The following MSL2 variants were observed in gnomAD, a reference collection of about 807,000 sequenced individuals.
The protein encoded by MSL2 is E3 ubiquitin-protein ligase MSL2.
MSL2 carries 2 observed loss-of-function variants against 35.8 expected under a neutral mutation model. The observed-to-expected ratio is 0.06, with a 90% CI of 0.02 to 0.18. The LOEUF is 0.18. MSL2 is among the 10% of genes least tolerant of loss of function. MSL2 has a pLI of 1.00. For missense variants in MSL2, 523 were observed against 706.7 expected (o/e 0.74, Z 2.95); for synonymous variants, 296 against 255.7 (o/e 1.16, Z -1.50).
At chr3:136,194,138 G>A (rs578174594) in intron 1 of MSL2, among the ~76,000 whole-genome samples, 24 of 152,266 alleles carry the variant, frequency 1.6e-4, no homozygotes, top group Non-Finnish European at 3.2e-4. Context: ...TTTGGCAGTT[G>A]CCCTTTCTTT....
intron 1 of MSL2, among the ~76,000 whole-genome samples, chr3:136,156,616 G>C (rs1284690545): frequency 6.6e-6 from 1 of 152,036 alleles, no homozygotes; most frequent in African/African-American, 2.4e-5. Flanking sequence ...CTGTAATCCA[G>C]CACCTTGGGA....
At chr3:136,155,930 C>A in intron 1 of MSL2, 1 of 537,476 alleles carries the variant, frequency 1.9e-6, no homozygotes, top group Admixed American at 2.0e-5. Flanking sequence ...TTCCAATACT[C>A]CAGAACTACT....
chr3:136,153,841 G>C lies in MSL2; in HGVS notation c.143-1103C>G, dbSNP rs376360390. On this transcript the variant is annotated intron_variant, in intron 1 of 1. Transcript: ENST00000309993. ...CTCATGCCTGTAACCCCAGCACTTTGGGGGGCTGAGGTGGGCAGATCACCT... is the reference window on the plus strand; with the variant it reads ...CTCATGCCTGTAACCCCAGCACTTTCGGGGGCTGAGGTGGGCAGATCACCT... 3.5e-4 allele frequency among the ~76,000 whole-genome samples: 53 copies of C among 151,852 alleles called. No individual in the cohort carries two copies. In the East Asian group the frequency reaches 0.01, roughly 29 times the overall value.
intron 1 of MSL2, among the ~76,000 whole-genome samples, chr3:136,158,084 G>A (rs762715041): frequency 6.6e-6 from 1 of 152,134 alleles, no homozygotes; most frequent in Non-Finnish European, 1.5e-5. Context: ...GGCCAAGGTG[G>A]GCGGATCACC....
rs1215882229 is a variant in MSL2 at position 136,195,702 on chromosome 3, A to ACGCCGC, written c.-595_-590dup. ...CGAAGGTTGATGTTGCGGCTGGCGG[A>ACGCCGC]CGCCGCCGCCGCGCTCTCCATATCG... On this transcript the variant is annotated 5_prime_UTR_variant, in exon 1 of 2. Transcript: ENST00000309993. 1 of 984,872 alleles carries ACGCCGC rather than the reference A, an allele frequency of 1.0e-6. No individual in the cohort carries two copies. The highest frequency in any genetic ancestry group is 6.2e-5 in the Admixed American group (1 of 16,240). 61.0% of individuals were successfully genotyped at this position (984,872 alleles called of 1,614,324 possible).
intron 1 of MSL2, among the ~76,000 whole-genome samples, chr3:136,186,733 T>C (rs1940534596): frequency 6.6e-6 from 1 of 152,178 alleles, no homozygotes. Context: ...TACATTATAG[T>C]GAACTCTATA....
chr3:136,184,214 C>G (rs1306468165), intron 1 of MSL2, among the ~76,000 whole-genome samples: 1 of 151,834 alleles, frequency 6.6e-6, no homozygotes, highest in Admixed American at 6.6e-5. Context: ...GAGAATTGCT[C>G]GAACCCGGGA....
At chr3:136,161,906 C>G (rs181447317) in intron 1 of MSL2, among the ~76,000 whole-genome samples, 129 of 151,830 alleles carry the variant, frequency 8.5e-4, no homozygotes, top group African/African-American at 3.1e-3. Flanking sequence ...AGGAAGGACA[C>G]AAGGGATAGG....
intron 1 of MSL2, among the ~76,000 whole-genome samples, chr3:136,164,336 C>T (rs1014545695): frequency 1.2e-4 from 19 of 152,116 alleles, no homozygotes; most frequent in African/African-American, 4.6e-4. Flanking sequence ...GAAGAGTAAC[C>T]ATGCCAACTG....
At chr3:136,166,468 TA>T (rs1939858644) in intron 1 of MSL2, among the ~76,000 whole-genome samples, 1 of 152,100 alleles carries the variant, frequency 6.6e-6, no homozygotes, top group African/African-American at 2.4e-5. Flanking sequence ...TGTTAAGTAA[TA>T]TTTTTTTGAA....
chr3:136,194,892 C>T, intron 1 of MSL2, 80 bp downstream of exon 1: 1 of 1,589,688 alleles, frequency 6.3e-7, no homozygotes, highest in Middle Eastern at 1.7e-4. Flanking sequence ...ACCACCAGGC[C>T]GTCAACCCGC....
intron 1 of MSL2, among the ~76,000 whole-genome samples, chr3:136,193,202 T>C (rs1170085517): frequency 1.3e-5 from 2 of 152,224 alleles, no homozygotes; most frequent in Non-Finnish European, 2.9e-5. Context: ...GGTTAGAACT[T>C]GGGAAAATGT....
intron 1 of MSL2, chr3:136,156,054 CA>C: frequency 3.9e-6 from 1 of 258,344 alleles, no homozygotes. Flanking sequence ...TGCCCTCCCC[CA>C]AAAAACTACC....
intron 1 of MSL2, among the ~76,000 whole-genome samples, chr3:136,177,573 G>C (rs1000826370): frequency 2.0e-5 from 3 of 151,898 alleles, no homozygotes; most frequent in Admixed American, 2.0e-4. Context: ...CAGCTACTCG[G>C]GAGGCTGAGG....
In MSL2 at chr3:136,151,573, T is replaced by G; in HGVS notation, c.1308A>C (p.Glu436Asp). ...GCATAAAATGATGACTAGGAATCTT[T>G]TCCTTTACTGCTTTGTCTTTTTTAA... ...GILKKDKAVK[E>D]KIPSHHFMPG... The change falls in exon 2 of 2, where the codon GAA (glutamate) becomes GAC (aspartate). Residue 436 changes from glutamate to aspartate, a missense_variant. Physicochemically the swap from Glu to Asp is conservative, Grantham distance 45. Transcript: ENST00000309993. The surrounding 1 kb of genome is among the most constrained non-coding windows in gnomAD (Gnocchi z 5.2). 6.2e-7 allele frequency: 1 copy of G among 1,614,202 alleles called. No individual in the cohort carries two copies. Among genetic ancestry groups the G allele is most frequent in the African/African-American group, 1.3e-5 (1 of 75,054 alleles).
intron 1 of MSL2, among the ~76,000 whole-genome samples, chr3:136,192,977 C>T (rs925391681): frequency 6.6e-6 from 1 of 152,172 alleles, no homozygotes; most frequent in Non-Finnish European, 1.5e-5. Context: ...CCTGAACCTA[C>T]ATCCCTATTA....
At chr3:136,176,343 G>A (rs948443195) in intron 1 of MSL2, among the ~76,000 whole-genome samples, 2 of 151,608 alleles carry the variant, frequency 1.3e-5, no homozygotes, top group African/African-American at 4.8e-5. Flanking sequence ...GCAAAACCCC[G>A]TCTCTACTAA....
intron 1 of MSL2, chr3:136,153,023 A>C: frequency 1.0e-6 from 1 of 985,374 alleles, no homozygotes; most frequent in Non-Finnish European, 1.2e-6. Context: ...CTCTTCCTCC[A>C]AAGGCTATAA....
At chr3:136,156,432 T>C (rs950487346) in intron 1 of MSL2, among the ~76,000 whole-genome samples, 1 of 152,108 alleles carries the variant, frequency 6.6e-6, no homozygotes. Context: ...AAAGGCTAAA[T>C]GGAAAGGCAA....
Sources: gnomAD v4.1 joint callset for allele counts (sites outside exome capture counted in the v4.1 genomes callset) on GRCh38, gnomAD v4.1.1 for gene constraint, Gnocchi (gnomAD v3.1) non-coding constraint, MANE v1.5 for transcripts, NCBI Gene and HGNC (gene_info 2026-07-23, HGNC 2026-07-21) for gene names.